Variants in ZNF521 observed in about 807,000 individuals in gnomAD.
ZNF521 encodes the protein LYST-interacting protein 3.
Under a neutral mutation model 105.5 loss-of-function variants are expected in ZNF521, and 14 were observed. The ratio of observed to expected loss-of-function variants is 0.13; its 90% confidence interval spans 0.09 to 0.21. The LOEUF is 0.21. ZNF521 is among the 10% of genes least tolerant of loss of function. ZNF521 has a pLI of 1.00. For synonymous variants in ZNF521, 635 were observed against 606.0 expected (o/e 1.05, Z -0.70); for missense variants, 1,233 against 1,629.7 (o/e 0.76, Z 4.19).
chr18:25,281,880 C>T (rs1910402812), intron 3 of ZNF521, among the ~76,000 whole-genome samples: 1 of 152,072 alleles, frequency 6.6e-6, no homozygotes, highest in Admixed American at 6.6e-5. Context: ...CGGAAGGAAT[C>T]ACAGGCGGTA....
chr18:25,348,263 C>T (rs187272211), intron 2 of ZNF521, among the ~76,000 whole-genome samples: 37 of 152,126 alleles, frequency 2.4e-4, no homozygotes, highest in Non-Finnish European at 1.0e-4. Context: ...ATGGACAATC[C>T]GCATACTCAG....
At chr18:25,116,879 A>ATATATACGTATATATATATGTG (rs1283128488) in intron 5 of ZNF521, among the ~76,000 whole-genome samples, 6 of 52,184 alleles carry the variant, frequency 1.1e-4, no homozygotes, top group African/African-American at 1.6e-4. Flanking sequence ...ACGTATATAT[A>ATATATACGTATATATATATGTG]TATATATACG....
intron 4 of ZNF521, among the ~76,000 whole-genome samples, chr18:25,218,812 C>T (rs1271924984): frequency 6.6e-6 from 1 of 152,062 alleles, no homozygotes; most frequent in Non-Finnish European, 1.5e-5. Flanking sequence ...CACGCCATTG[C>T]ACTCCAGCCT....
intron 5 of ZNF521, among the ~76,000 whole-genome samples, chr18:25,152,812 T>A (rs563087497): frequency 6.6e-6 from 1 of 152,286 alleles, no homozygotes; most frequent in South Asian, 2.1e-4. Context: ...TCTTCCGTGT[T>A]GTCTTCTATT....
intron 4 of ZNF521, among the ~76,000 whole-genome samples, chr18:25,210,469 A>G (rs1005231974): frequency 6.6e-6 from 1 of 152,226 alleles, no homozygotes; most frequent in African/African-American, 2.4e-5. Flanking sequence ...GTTTAATTCA[A>G]TAAAATAAAT....
chr18:25,178,866 G>C (rs1162187322), intron 5 of ZNF521, among the ~76,000 whole-genome samples: 1 of 152,148 alleles, frequency 6.6e-6, no homozygotes. Context: ...GTGAAGAGAT[G>C]AATACTGCAC....
chr18:25,149,125 TGGCACACAGGATGAAGCATTAA>T (rs1278398832), intron 5 of ZNF521, among the ~76,000 whole-genome samples: 1 of 152,236 alleles, frequency 6.6e-6, no homozygotes, highest in Non-Finnish European at 1.5e-5. Flanking sequence ...GTCTTGCTTC[TGGCACACAGGATGAAGCATTAA>T]GGCACAGGTC....
chr18:25,267,480 T>C (rs1909352895), intron 3 of ZNF521, among the ~76,000 whole-genome samples: 1 of 152,144 alleles, frequency 6.6e-6, no homozygotes, highest in African/African-American at 2.4e-5. Context: ...GTATCCTAAC[T>C]GAGAGATACC....
intron 7 of ZNF521, 121 bp from the exon 8 acceptor site, chr18:25,062,862 T>G: frequency 1.0e-6 from 1 of 973,250 alleles, no homozygotes; most frequent in Non-Finnish European, 1.5e-6. Flanking sequence ...TAATTCATAA[T>G]GACTTGAACA....
chr18:25,328,263 C>T (rs1310907646), intron 2 of ZNF521, among the ~76,000 whole-genome samples: 1 of 152,102 alleles, frequency 6.6e-6, no homozygotes, highest in Non-Finnish European at 1.5e-5. Context: ...TATCACGGTC[C>T]TTGAAGACCA....
chr18:25,078,778 G>C (rs189461884), intron 7 of ZNF521, among the ~76,000 whole-genome samples: 1 of 152,328 alleles, frequency 6.6e-6, no homozygotes, highest in East Asian at 1.9e-4. Context: ...ATTAATCTTG[G>C]GTTGGCTATG....
At chr18:25,079,747 A>C (rs916328816) in intron 7 of ZNF521, among the ~76,000 whole-genome samples, 1 of 152,166 alleles carries the variant, frequency 6.6e-6, no homozygotes, top group East Asian at 1.9e-4. Context: ...GCTTCCCACC[A>C]GTACTGTCAT....
Position 25,350,869 on chromosome 18 carries a change from G to A in ZNF521, c.40+38C>T, listed in dbSNP as rs748829910. 8.4e-6 allele frequency: 13 copies of A among 1,544,944 alleles called. No homozygotes were observed. In the Admixed American group the frequency reaches 2.2e-4, roughly 26 times the overall value. Reference sequence around the variant, plus strand: ...CTCCGCTACCCACAGTGACACTCGCGGATGGGGGAAAGCGGGGAGCAGGGG... The same window carrying A: ...CTCCGCTACCCACAGTGACACTCGCAGATGGGGGAAAGCGGGGAGCAGGGG... On this transcript the variant is annotated intron_variant, in intron 2 of 7. Coordinates refer to ENST00000361524, the MANE Select transcript of ZNF521 (RefSeq NM_015461.3).
At chr18:25,331,893 C>CTTTTTTTTTTTTTTTTTTTT (rs11407486) in intron 2 of ZNF521, among the ~76,000 whole-genome samples, 1 of 134,556 alleles carries the variant, frequency 7.4e-6, no homozygotes, top group Non-Finnish European at 1.6e-5. Context: ...TTGCTTTTTT[C>CTTTTTTTTTTTTTTTTTTTT]TTTTTTTTTT....
chr18:25,157,514 C>G (rs752380803), intron 5 of ZNF521, among the ~76,000 whole-genome samples: 13 of 152,196 alleles, frequency 8.5e-5, no homozygotes, highest in Non-Finnish European at 1.3e-4. Context: ...ATTAGAAGAG[C>G]AACACGTTGG....
intron 2 of ZNF521, among the ~76,000 whole-genome samples, chr18:25,341,023 GATC>G (rs1216363550): frequency 6.6e-6 from 1 of 152,136 alleles, no homozygotes; most frequent in Non-Finnish European, 1.5e-5. Flanking sequence ...ATTTCATGTT[GATC>G]ATCTTTTTCT....
At chr18:25,123,719 T>C (rs540871501) in intron 5 of ZNF521, among the ~76,000 whole-genome samples, 4 of 152,304 alleles carry the variant, frequency 2.6e-5, no homozygotes, top group African/African-American at 9.6e-5. Context: ...CTTTCTAATA[T>C]AACCTTGACC....
intron 3 of ZNF521, among the ~76,000 whole-genome samples, chr18:25,317,407 A>T (rs1912700869): frequency 1.3e-5 from 2 of 152,142 alleles, no homozygotes; most frequent in South Asian, 4.1e-4. Flanking sequence ...AAGAATAACT[A>T]TAGGGCACGC....
At chr18:25,081,650 T>A (rs1030264252) in intron 7 of ZNF521, among the ~76,000 whole-genome samples, 2 of 152,210 alleles carry the variant, frequency 1.3e-5, no homozygotes, top group Non-Finnish European at 2.9e-5. Context: ...AAAATGCATT[T>A]ACTCATTTAG....
Sources: allele counts gnomAD v4.1 joint callset (sites outside exome capture counted in the v4.1 genomes callset), GRCh38; gene constraint gnomAD v4.1.1; transcripts MANE v1.5; gene names NCBI Gene and HGNC (gene_info 2026-07-23, HGNC 2026-07-21).